CNTN5: variants seen among roughly 807,000 people sequenced by gnomAD.
The protein encoded by CNTN5 is contactin 5, also known as contactin-5.
In CNTN5, 77 loss-of-function variants were observed where a neutral mutation model predicts 129.1. The observed-to-expected ratio is 0.60, with a 90% CI of 0.50 to 0.72. CNTN5 has a LOEUF of 0.72. Among genes scored for constraint, CNTN5 ranks in the 30% least tolerant of loss-of-function variants. The pLI, the probability that CNTN5 is intolerant of heterozygous loss-of-function variation, is 0.00. For missense variants in CNTN5, 1,478 were observed against 1,328.8 expected (o/e 1.11, Z -1.75); for synonymous variants, 509 against 465.6 (o/e 1.09, Z -1.20).
intron 13 of CNTN5, among the ~76,000 whole-genome samples, chr11:100,147,988 A>G (rs10894521): frequency 0.19 from 29,164 of 152,128 alleles, 2,908 homozygotes; most frequent in Non-Finnish European, 0.22. Context: ...TTCTCTGTAA[A>G]TAAAACATTT....
chr11:99,537,658 G>A (rs367733555), intron 2 of CNTN5, among the ~76,000 whole-genome samples: 1 of 152,098 alleles, frequency 6.6e-6, no homozygotes, highest in African/African-American at 2.4e-5. Flanking sequence ...CAATTAATGG[G>A]TTATGGCCTA....
At chr11:100,046,224 C>T (rs1942667376) in intron 9 of CNTN5, among the ~76,000 whole-genome samples, 1 of 152,072 alleles carries the variant, frequency 6.6e-6, no homozygotes, top group Admixed American at 6.6e-5. Flanking sequence ...CACTTTTGGT[C>T]TATACTGTTT....
chr11:99,963,102 G>A (rs950907725), intron 8 of CNTN5, among the ~76,000 whole-genome samples: 14 of 152,276 alleles, frequency 9.2e-5, no homozygotes, highest in African/African-American at 2.9e-4. Context: ...CTCCCATTCT[G>A]TAGGTTGCCT....
At chr11:100,165,330 C>G (rs1225920589) in intron 13 of CNTN5, among the ~76,000 whole-genome samples, 1 of 151,736 alleles carries the variant, frequency 6.6e-6, no homozygotes, top group Non-Finnish European at 1.5e-5. Flanking sequence ...ACTTGGCCCT[C>G]TCCTCTGTTA....
At chr11:99,794,370 T>G (rs1367193968) in intron 3 of CNTN5, among the ~76,000 whole-genome samples, 1 of 152,190 alleles carries the variant, frequency 6.6e-6, no homozygotes, top group Admixed American at 6.5e-5. Context: ...TTTTCCTTGT[T>G]TATCCAACTT....
intron 2 of CNTN5, among the ~76,000 whole-genome samples, chr11:99,521,269 C>T (rs1947265696): frequency 6.6e-6 from 1 of 152,148 alleles, no homozygotes; most frequent in South Asian, 2.1e-4. Flanking sequence ...AAGCCTGCTT[C>T]CTGAGCTTCC....
intron 2 of CNTN5, among the ~76,000 whole-genome samples, chr11:99,389,366 A>G (rs1288388542): frequency 6.6e-6 from 1 of 152,168 alleles, no homozygotes; most frequent in Non-Finnish European, 1.5e-5. Flanking sequence ...AACACCTTTT[A>G]AATGGGATAT....
At chr11:99,243,273 ACTT>A (rs1861652117) in intron 1 of CNTN5, among the ~76,000 whole-genome samples, 1 of 151,682 alleles carries the variant, frequency 6.6e-6, no homozygotes, top group African/African-American at 2.4e-5. Flanking sequence ...CACTTATATG[ACTT>A]CTTTTGTCTT....
At chr11:99,753,812 C>G (rs1944318805) in intron 3 of CNTN5, among the ~76,000 whole-genome samples, 1 of 150,618 alleles carries the variant, frequency 6.6e-6, no homozygotes, top group Non-Finnish European at 1.5e-5. Flanking sequence ...CTCAGCCTCC[C>G]AAGTGGCTGG....
rs554686887 is a variant in CNTN5, at chr11:99,808,466, T to C, written c.56-11078T>C. Among the ~76,000 whole-genome samples, 152 of 152,318 alleles carry C rather than the reference T, an allele frequency of 1.0e-3. No individual in the cohort carries two copies. In the Middle Eastern group the frequency reaches 0.031, roughly 31 times the overall value. ...AAAAATGTCATTGGGAAATTTTCTTTTGATATCTTTTCTTTGAAGAAATTG... is the reference window on the plus strand; with the variant it reads ...AAAAATGTCATTGGGAAATTTTCTTCTGATATCTTTTCTTTGAAGAAATTG... On this transcript the variant is annotated intron_variant, in intron 3 of 24. Coordinates refer to ENST00000524871, the MANE Select transcript of CNTN5 (RefSeq NM_014361.4).
rs77151450 is a variant in CNTN5, at chr11:99,528,535, T to G, written c.-70-27610T>G. On this transcript the variant is annotated intron_variant, in intron 2 of 24. Transcript: ENST00000524871. ...AACCACAGTAAGTTACAACTGCATATGCAGTCACCAAAAGAGCTGAGATCT... is the reference window on the plus strand; with the variant it reads ...AACCACAGTAAGTTACAACTGCATAGGCAGTCACCAAAAGAGCTGAGATCT... Among the ~76,000 whole-genome samples the G allele has an allele frequency of 4.3e-3, 652 of 152,262 alleles. 6 individuals are homozygous for G. The highest frequency in any genetic ancestry group is 0.015 in the African/African-American group (622 of 41,576).
intron 1 of CNTN5, among the ~76,000 whole-genome samples, chr11:99,183,722 A>G (rs1457684133): frequency 2.6e-5 from 4 of 151,990 alleles, no homozygotes. Flanking sequence ...TTAATGGCCC[A>G]CCAATATATA....
intron 6 of CNTN5, among the ~76,000 whole-genome samples, chr11:99,866,214 C>A (rs191499509): frequency 1.3e-5 from 2 of 152,200 alleles, no homozygotes. Context: ...TACAGAAAAC[C>A]AATAACCCAA....
At chr11:100,193,717 T>C in intron 15 of CNTN5, 54 bp downstream of exon 15, 4 of 1,517,046 alleles carry the variant, frequency 2.6e-6, no homozygotes, top group Non-Finnish European at 3.6e-6. Context: ...AAATTTTGAA[T>C]CAAATGTAAG....
At chr11:100,288,130 G>C (rs1950843698) in intron 18 of CNTN5, among the ~76,000 whole-genome samples, 1 of 152,116 alleles carries the variant, frequency 6.6e-6, no homozygotes, top group African/African-American at 2.4e-5. Context: ...GACCTACAAA[G>C]AGACTTAGAC....
chr11:99,506,830 AT>A (rs1478308200), intron 2 of CNTN5, among the ~76,000 whole-genome samples: 2 of 152,240 alleles, frequency 1.3e-5, no homozygotes, highest in Admixed American at 6.5e-5. Flanking sequence ...ATAGTAAAAA[AT>A]ATCAATAACC....
chr11:100,099,001 A>G (rs776752589), intron 13 of CNTN5, among the ~76,000 whole-genome samples: 1 of 152,064 alleles, frequency 6.6e-6, no homozygotes, highest in Non-Finnish European at 1.5e-5. Context: ...GAGCAGGTCC[A>G]GATTAAAGGG....
chr11:100,283,070 T>C (rs1950676553), intron 18 of CNTN5, among the ~76,000 whole-genome samples: 1 of 151,914 alleles, frequency 6.6e-6, no homozygotes, highest in Non-Finnish European at 1.5e-5. Context: ...GCCCTCTTAG[T>C]TCTCTACACC....
intron 1 of CNTN5, among the ~76,000 whole-genome samples, chr11:99,063,959 AT>A (rs1864995867): frequency 6.6e-6 from 1 of 152,068 alleles, no homozygotes; most frequent in African/African-American, 2.4e-5. Flanking sequence ...ACATAAATTT[AT>A]GTGTGCCTGA....
Sources: allele counts gnomAD v4.1 joint callset (sites outside exome capture counted in the v4.1 genomes callset), GRCh38; gene constraint gnomAD v4.1.1; transcripts MANE v1.5; gene names NCBI Gene and HGNC (gene_info 2026-07-23, HGNC 2026-07-21).